The following TUT4 variants were observed in gnomAD, a reference collection of about 807,000 sequenced individuals.
TUT4 encodes terminal uridylyl transferase 4.
Under a neutral mutation model 192.2 loss-of-function variants are expected in TUT4, and 36 were observed. The ratio of observed to expected loss-of-function variants is 0.19; its 90% CI spans 0.14 to 0.25. The LOEUF is 0.25. Among genes scored for constraint, TUT4 ranks in the 10% least tolerant of loss-of-function variants. The pLI, the probability that TUT4 is intolerant of heterozygous loss-of-function variation, is 1.00. For synonymous variants in TUT4, 618 were observed against 666.0 expected, an observed-to-expected ratio of 0.93 and a Z score of 1.11; for missense variants, 1,493 against 1,957.2, an observed-to-expected ratio of 0.76 and a Z score of 4.47.
At position 52,465,206 on chromosome 1, in the gene TUT4, T is replaced by A. The variant is rs1291116154; in HGVS notation, c.2966-33A>T. The A allele has an allele frequency of 1.9e-6, 3 of 1,541,516 alleles. No individual in the cohort carries two copies. In the African/African-American group the frequency reaches 4.1e-5, roughly 21 times the overall value. Reference sequence around the variant, plus strand: ...AAGGAAAACAAAGTCCAAGGCCTTATTATAAGCAGAGAGGAGGAGTCTTCT... The same window carrying A: ...AAGGAAAACAAAGTCCAAGGCCTTAATATAAGCAGAGAGGAGGAGTCTTCT... On this transcript the variant is annotated intron_variant, in intron 15 of 29. Transcript: ENST00000257177.
At chr1:52,511,022 T>C (rs912869034) in intron 3 of TUT4, among the ~76,000 whole-genome samples, 3 of 152,240 alleles carry the variant, frequency 2.0e-5, no homozygotes, top group African/African-American at 7.2e-5. Context: ...TCAACAGGCT[T>C]CAGCTTCTGA....
chr1:52,463,117 G>T, intron 16 of TUT4: 1 of 981,152 alleles, frequency 1.0e-6, no homozygotes. Flanking sequence ...GAAAGAAAAT[G>T]ATTTATTATT....
At chr1:52,498,487 A>G (rs112627694) in intron 4 of TUT4, among the ~76,000 whole-genome samples, 53,403 of 151,688 alleles carry the variant, frequency 0.35, 13,026 homozygotes, top group African/African-American at 0.7. Flanking sequence ...CTCGTGGTCC[A>G]CCCACCTCGG....
At chr1:52,484,183 T>C (rs1669211474) in intron 9 of TUT4, among the ~76,000 whole-genome samples, 3 of 151,826 alleles carry the variant, frequency 2.0e-5, no homozygotes, top group Admixed American at 2.0e-4. Context: ...CACTGCACTC[T>C]GGCCTGGGCA....
In TUT4 at chr1:52,509,656, A is replaced by T; in HGVS notation, c.939T>A (p.Ile313=). 1 of 1,612,294 alleles carries T rather than the reference A, an allele frequency of 6.2e-7. No individual in the cohort carries two copies. The highest frequency in any genetic ancestry group is 8.5e-7 in the Non-Finnish European group (1 of 1,178,722). ...RYLCKLCLIH[I]ENIQGAHKHI... ...GTTTATGAGCCCCCTGGATATTTTC[A>T]ATGTGAATTAAGCAAAGTTTGCATA... is the stretch of plus-strand genomic sequence containing the variant. Residue 313 remains isoleucine, a synonymous_variant, in exon 4 of 30, where the codon ATT becomes ATA. Coordinates refer to ENST00000257177, the MANE Select transcript of TUT4 (RefSeq NM_001009881.3).
chr1:52,473,263 G>A (rs1054886711), intron 13 of TUT4, among the ~76,000 whole-genome samples: 2 of 152,090 alleles, frequency 1.3e-5, no homozygotes, highest in African/African-American at 4.8e-5. Flanking sequence ...ACTGCTTATT[G>A]GGAGGGGAAA....
chr1:52,518,255 G>C (rs1385003230), intron 2 of TUT4, among the ~76,000 whole-genome samples: 2 of 152,162 alleles, frequency 1.3e-5, no homozygotes, highest in Non-Finnish European at 2.9e-5. Flanking sequence ...TATTATTCAG[G>C]TGTCATAGTC....
intron 20 of TUT4, among the ~76,000 whole-genome samples, chr1:52,447,339 C>G (rs1168101107): frequency 1.3e-5 from 2 of 151,820 alleles, no homozygotes; most frequent in Admixed American, 1.3e-4. Context: ...ATCCCATCTA[C>G]TCGGGAGGCT....
intron 4 of TUT4, among the ~76,000 whole-genome samples, chr1:52,504,454 A>AC (rs1674971818): frequency 6.6e-6 from 1 of 151,998 alleles, no homozygotes; most frequent in Non-Finnish European, 1.5e-5. Flanking sequence ...ACATGGTGAA[A>AC]CCCCGTCTCT....
chr1:52,479,836 T>C (rs1048715075), intron 11 of TUT4, among the ~76,000 whole-genome samples: 1 of 151,214 alleles, frequency 6.6e-6, no homozygotes, highest in Admixed American at 6.6e-5. Flanking sequence ...CTACTAAAAA[T>C]ACAAAAAATT....
intron 2 of TUT4, among the ~76,000 whole-genome samples, chr1:52,520,218 T>C (rs1223248766): frequency 2.0e-5 from 3 of 152,104 alleles, no homozygotes; most frequent in Non-Finnish European, 2.9e-5. Context: ...GGCAGAGAAA[T>C]AGGGGAGTGT....
intron 28 of TUT4, among the ~76,000 whole-genome samples, chr1:52,429,423 G>A (rs1282266137): frequency 6.6e-6 from 1 of 151,510 alleles, no homozygotes; most frequent in African/African-American, 2.4e-5. Flanking sequence ...GTGTGTGCCT[G>A]TAGTCCCACA....
intron 1 of TUT4, among the ~76,000 whole-genome samples, chr1:52,536,393 A>C (rs1175800558): frequency 2.0e-5 from 3 of 152,214 alleles, no homozygotes; most frequent in African/African-American, 7.2e-5. Flanking sequence ...CACAAAATCA[A>C]AACAGGATTA....
At chr1:52,477,010 T>A (rs1570727136) in intron 12 of TUT4, among the ~76,000 whole-genome samples, 1 of 152,338 alleles carries the variant, frequency 6.6e-6, no homozygotes, top group Admixed American at 6.5e-5. Flanking sequence ...CAGTTTTTAT[T>A]TTTCTCCTTT....
At chr1:52,529,025 T>C (rs892295388) in intron 1 of TUT4, among the ~76,000 whole-genome samples, 44 of 152,104 alleles carry the variant, frequency 2.9e-4, no homozygotes, top group African/African-American at 9.2e-4. Flanking sequence ...TAATTCTTCT[T>C]TATAGTGCAG....
chr1:52,517,966 C>CTT (rs1679154679), intron 2 of TUT4, among the ~76,000 whole-genome samples: 1 of 152,124 alleles, frequency 6.6e-6, no homozygotes. Flanking sequence ...GAGAAAGCTG[C>CTT]CTTTCTTCAA....
intron 14 of TUT4, among the ~76,000 whole-genome samples, chr1:52,471,162 A>T (rs1445008498): frequency 1.3e-5 from 2 of 151,828 alleles, no homozygotes; most frequent in African/African-American, 4.8e-5. Flanking sequence ...GACTACAGGC[A>T]CCGGCCACCA....
intron 2 of TUT4, among the ~76,000 whole-genome samples, chr1:52,524,976 T>C (rs1681332743): frequency 6.6e-6 from 1 of 152,216 alleles, no homozygotes. Flanking sequence ...GTCTCAGTAA[T>C]ACTCAGTCTC....
At position 52,468,544 on chromosome 1, in the gene TUT4, C is replaced by T. The variant is rs1010287894; in HGVS notation, c.2879-277G>A. ...ATGTACATTTCACATGATCATTTTC[C>T]GTATATCTACAAACCTATTTACTTC... On this transcript the variant is annotated intron_variant, in intron 14 of 29. Transcript: ENST00000257177. 1.6e-4 allele frequency: 46 copies of T among 285,372 alleles called. 1 individual carries two copies. The highest frequency in any genetic ancestry group is 8.9e-4 in the South Asian group (18 of 20,284). The allele number at this position is 285,372 out of a possible 1,614,324, so 17.7% of individuals were successfully genotyped here.
Sources: gnomAD v4.1 joint callset for allele counts (sites outside exome capture counted in the v4.1 genomes callset) on GRCh38, gnomAD v4.1.1 for gene constraint, MANE v1.5 for transcripts, NCBI Gene and HGNC (gene_info 2026-07-23, HGNC 2026-07-21) for gene names.